Variants in NDUFA11 observed in about 807,000 individuals in gnomAD.
The protein encoded by NDUFA11 is NADH dehydrogenase [ubiquinone] 1 alpha subcomplex subunit 11.
In NDUFA11, 14 loss-of-function variants were observed where a neutral mutation model predicts 11.3. The ratio of observed to expected loss-of-function variants is 1.24; its 90% confidence interval spans 0.82 to 1.94. NDUFA11 has a LOEUF of 1.94. NDUFA11 is among the 30% of genes most tolerant of loss of function. The probability of loss-of-function intolerance (pLI) is 0.00; values close to 1 mark genes in which losing one functional copy is unlikely to be tolerated. For synonymous variants in NDUFA11, 87 were observed against 85.6 expected (o/e 1.02, Z -0.09); for missense variants, 204 against 200.3 (o/e 1.02, Z -0.11).
Position 5,896,257 on chromosome 19 carries a change from C to A in NDUFA11, c.313+196G>T. On this transcript the variant is annotated intron_variant, in intron 3 of 3. Coordinates refer to ENST00000308961, the MANE Select transcript of NDUFA11 (RefSeq NM_175614.5). This position sits in a 1 kb window ranked among gnomAD's most constrained non-coding sequence, Gnocchi z 5.8. ...TGAGGAGGGGAGGGTGGGGAGGGGACAGGGCAGGTCAGGGAGGGCCACAGT... is the reference window on the plus strand; with the variant it reads ...TGAGGAGGGGAGGGTGGGGAGGGGAAAGGGCAGGTCAGGGAGGGCCACAGT... 1 of 632,020 alleles carries A rather than the reference C, an allele frequency of 1.6e-6. No homozygotes were observed. Among genetic ancestry groups the A allele is most frequent in the South Asian group, 1.9e-5 (1 of 52,468 alleles). The allele number at this position is 632,020 out of a possible 1,614,324, so 39.2% of individuals were successfully genotyped here. A position where few individuals can be genotyped will look rare whatever the true frequency, so the allele number is the denominator to read the frequency against.
In NDUFA11 at chr19:5,896,967, A is replaced by T; in HGVS notation, c.128T>A (p.Leu43His). 1 of 1,614,098 alleles carries T rather than the reference A, an allele frequency of 6.2e-7. No individual in the cohort carries two copies. Among genetic ancestry groups the T allele is most frequent in the Non-Finnish European group, 8.5e-7 (1 of 1,180,022 alleles). ...GLTAAAYRVTLNPPGTFLEGV... is the reference protein window; with the variant it reads ...GLTAAAYRVTHNPPGTFLEGV... ...TTCAAGGAAGGTGCCCGGAGGATTGAGTGTGACTCTGTAGGCAGCGGCGGT... is the reference window on the plus strand; with the variant it reads ...TTCAAGGAAGGTGCCCGGAGGATTGTGTGTGACTCTGTAGGCAGCGGCGGT... Residue 43 changes from leucine (L) to histidine (H), a missense_variant, in exon 2 of 4, where the codon CTC becomes CAC. Coordinates refer to ENST00000308961, the MANE Select transcript of NDUFA11 (RefSeq NM_175614.5). This position sits in a 1 kb window ranked among gnomAD's most constrained non-coding sequence, Gnocchi z 5.8.
chr19:5,903,690 GA>G lies in NDUFA11; in HGVS notation c.18del (p.Arg7ValfsTer28). The stretch of plus-strand genomic sequence containing the variant: ...CCATCGGGGATATCCCAGTACTGAC[GA>G]AAAACCTTCGGCGCCATAGCCCGCA... Reference protein sequence around the residue: MAPKVFRQYWDIPDGT... With the variant: MAPKVXRQYWDIPDGT... On this transcript the variant is annotated frameshift_variant, in exon 1 of 4. Transcript: ENST00000308961. LOFTEE classifies it high-confidence loss of function. The G allele has an allele frequency of 6.4e-7, 1 of 1,551,518 alleles. No individual in the cohort carries two copies. The highest frequency in any genetic ancestry group is 1.2e-5 in the South Asian group (1 of 84,064).
intron 1 of NDUFA11, among the ~76,000 whole-genome samples, chr19:5,901,054 C>T (rs2057642242): frequency 6.6e-6 from 1 of 152,202 alleles, no homozygotes; most frequent in Non-Finnish European, 1.5e-5. Context: ...CAGCGATCTC[C>T]TGACATGGCA....
intron 1 of NDUFA11, chr19:5,901,157 G>A: frequency 2.1e-6 from 1 of 469,008 alleles, no homozygotes; most frequent in South Asian, 2.5e-5. Flanking sequence ...CACACCCCGA[G>A]ACAAGCTGTC....
chr19:5,895,243 C>T (rs748236975), intron 3 of NDUFA11: 7 of 251,752 alleles, frequency 2.8e-5, no homozygotes, highest in African/African-American at 6.6e-5. Context: ...GCATCTGTCC[C>T]GTGGTCTGTG....
In NDUFA11 at chr19:5,896,935, C is replaced by T. The variant is rs1352325169; in HGVS notation, c.160G>A (p.Ala54Thr). 1 of 1,614,054 alleles carries T rather than the reference C, an allele frequency of 6.2e-7. No individual in the cohort carries two copies. Among genetic ancestry groups the T allele is most frequent in the South Asian group, 1.1e-5 (1 of 91,090 alleles). The change falls in exon 2 of 4, where the codon GCT (alanine) becomes ACT (threonine). Residue 54 changes from alanine (A) to threonine (T), a missense_variant. Ala to Thr is a moderately conservative substitution (Grantham distance 58). Transcript: ENST00000308961. This position sits in a 1 kb window ranked among gnomAD's most constrained non-coding sequence, Gnocchi z 5.8. ...NPPGTFLEGV[A>T]KVGQYTFTAA... ...GTGAACGTGTATTGTCCAACCTTAG[C>T]CACTCCTTCAAGGAAGGTGCCCGGA...
chr19:5,903,228 G>GC (rs2057656927), intron 1 of NDUFA11, among the ~76,000 whole-genome samples: 1 of 151,724 alleles, frequency 6.6e-6, no homozygotes, highest in African/African-American at 2.4e-5. Flanking sequence ...GCCCTCAGAT[G>GC]CCCCAATCAT....
Position 5,896,310 on chromosome 19 carries a change from C to T in NDUFA11, c.313+143G>A, listed in dbSNP as rs893834581. 1.0e-4 allele frequency: 100 copies of T among 986,424 alleles called. No homozygotes were observed. The highest frequency in any genetic ancestry group is 8.0e-4 in the South Asian group (51 of 63,436). The allele number at this position is 986,424 out of a possible 1,614,324, so 61.1% of individuals were successfully genotyped here. On this transcript the variant is annotated intron_variant, in intron 3 of 3. Transcript: ENST00000308961. This position sits in a 1 kb window ranked among gnomAD's most constrained non-coding sequence, Gnocchi z 5.8. ...GTGCTTAAGCAGCAGCAGCAGCTGTCGCTATGACTGAAATGGCTGGTGTTC... is the reference window on the plus strand; with the variant it reads ...GTGCTTAAGCAGCAGCAGCAGCTGTTGCTATGACTGAAATGGCTGGTGTTC...
At position 5,903,771 on chromosome 19, in the gene NDUFA11, G is replaced by A. The variant is rs1412856229; in HGVS notation, c.-63C>T. The A allele has an allele frequency of 5.3e-6, 8 of 1,512,002 alleles. No homozygotes were observed. Among genetic ancestry groups the A allele is most frequent in the African/African-American group, 2.8e-5 (2 of 72,346 alleles). 93.7% of individuals were successfully genotyped at this position (1,512,002 alleles called of 1,614,324 possible). On this transcript the variant is annotated 5_prime_UTR_variant, in exon 1 of 4. Transcript: ENST00000308961. The stretch of plus-strand genomic sequence containing the variant: ...GCTCGGGAAGCGCAAGGGCAGCCGC[G>A]GCTGGCTATCGCGAGACTTCTCGGG...
intron 1 of NDUFA11, chr19:5,902,310 CTG>C (rs2057651160): frequency 6.6e-6 from 1 of 152,288 alleles, no homozygotes; most frequent in Non-Finnish European, 1.5e-5. Context: ...GTCGCCCAGG[CTG>C]GGGTGCAGTG....
chr19:5,896,363 G>A lies in NDUFA11; in HGVS notation c.313+90C>T. On this transcript the variant is annotated intron_variant, in intron 3 of 3. Transcript: ENST00000308961. The surrounding 1 kb of genome is among the most constrained non-coding windows in gnomAD (Gnocchi z 5.8). ...GAAGGCTGCTTTACTTCTTGTCCGGGATGGAACAGAGAGGGTGGAGGATGA... is the reference window on the plus strand; with the variant it reads ...GAAGGCTGCTTTACTTCTTGTCCGGAATGGAACAGAGAGGGTGGAGGATGA... 7.3e-7 allele frequency: 1 copy of A among 1,376,660 alleles called. No homozygotes were observed. Among genetic ancestry groups the A allele is most frequent in the Non-Finnish European group, 9.8e-7 (1 of 1,018,222 alleles). The allele number at this position is 1,376,660 out of a possible 1,614,324, so 85.3% of individuals were successfully genotyped here. A position where few individuals can be genotyped will look rare whatever the true frequency, so the allele number is the denominator to read the frequency against.
At chr19:5,897,987 A>C (rs2057621447) in intron 1 of NDUFA11, among the ~76,000 whole-genome samples, 1 of 152,182 alleles carries the variant, frequency 6.6e-6, no homozygotes, top group South Asian at 2.1e-4. Context: ...CAGCCTCGAA[A>C]CATAGCCCAG....
At position 5,900,910 on chromosome 19, in the gene NDUFA11, CAAAAAAA is replaced by C. The variant is rs1305134254; in HGVS notation, c.97+2695_97+2701del. On this transcript the variant is annotated intron_variant, in intron 1 of 3. Transcript: ENST00000308961. ...TGGGTGACAGAATGAGACTCCGTCTCAAAAAAAAAAAAAAAAAGAAAAAAGAAAAAAG... is the reference window on the plus strand; with the variant it reads ...TGGGTGACAGAATGAGACTCCGTCTCAAAAAAAAAAGAAAAAAGAAAAAAG... 6.7e-3 allele frequency among the ~76,000 whole-genome samples: 348 copies of C among 51,660 alleles called. 3 individuals carry two copies. The highest frequency in any genetic ancestry group is 0.011 in the East Asian group (19 of 1,726). The allele number at this position is 51,660 out of a possible 152,430, so 33.9% of individuals were successfully genotyped here. A position where few individuals can be genotyped will look rare whatever the true frequency, so the allele number is the denominator to read the frequency against.
At chr19:5,895,220 A>G (rs548738079) in intron 3 of NDUFA11, 12 of 276,962 alleles carry the variant, frequency 4.3e-5, no homozygotes, top group African/African-American at 6.5e-5. Context: ...CATGGATGCC[A>G]GGGCCAGGCC....
In NDUFA11 at chr19:5,903,773, C is replaced by A; in HGVS notation, c.-65G>T. 6.6e-7 allele frequency: 1 copy of A among 1,505,072 alleles called. No homozygotes were observed. The allele number at this position is 1,505,072 out of a possible 1,614,324, so 93.2% of individuals were successfully genotyped here. Reference sequence around the variant, plus strand: ...TCGGGAAGCGCAAGGGCAGCCGCGGCTGGCTATCGCGAGACTTCTCGGGCT... The same window carrying A: ...TCGGGAAGCGCAAGGGCAGCCGCGGATGGCTATCGCGAGACTTCTCGGGCT... On this transcript the variant is annotated 5_prime_UTR_variant, in exon 1 of 4. Coordinates refer to ENST00000308961, the MANE Select transcript of NDUFA11 (RefSeq NM_175614.5).
At chr19:5,893,047 G>A (rs12980262), downstream of NDUFA11, 116,452 of 1,535,746 alleles carry the variant, frequency 0.076, 4,934 homozygotes, top group Middle Eastern at 0.12. The surrounding 1 kb of genome is among the most constrained non-coding windows in gnomAD (Gnocchi z 4.1). Context: ...CGAGGCCCGG[G>A]CACCCAGCTC....
rs377245940 is a variant in NDUFA11, at chr19:5,903,751, G to A, written c.-43C>T. The A allele has an allele frequency of 2.5e-4, 380 of 1,541,034 alleles. 1 individual carries two copies. The African/African-American group carries it at 4.3e-3, about 17-fold the overall frequency. ...CCGCACCACGGACCCCGCCAGCTCG[G>A]GAAGCGCAAGGGCAGCCGCGGCTGG... is the stretch of plus-strand genomic sequence containing the variant. On this transcript the variant is annotated 5_prime_UTR_variant, in exon 1 of 4. Transcript: ENST00000308961.
chr19:5,892,694 A>G (rs929998748), downstream of NDUFA11: 19 of 516,294 alleles, frequency 3.7e-5, no homozygotes, highest in Non-Finnish European at 5.9e-5. Context: ...CACACTGCCC[A>G]GCAGGCCGTG....
intron 1 of NDUFA11, chr19:5,901,647 G>C: frequency 3.8e-6 from 1 of 261,622 alleles, no homozygotes; most frequent in Non-Finnish European, 7.6e-6. Flanking sequence ...ACACCAGGTT[G>C]TAAAGACTGT....
Sources: gnomAD v4.1 joint callset for allele counts (sites outside exome capture counted in the v4.1 genomes callset) on GRCh38, gnomAD v4.1.1 for gene constraint, Gnocchi (gnomAD v3.1) non-coding constraint, MANE v1.5 for transcripts, NCBI Gene and HGNC (gene_info 2026-07-23, HGNC 2026-07-21) for gene names.